Variants in EXOC4 observed in about 807,000 individuals in gnomAD.
EXOC4 encodes SEC8-like 1.
EXOC4 carries 71 observed loss-of-function variants against 107.2 expected under a neutral mutation model. The ratio of observed to expected loss-of-function variants is 0.66; its 90% CI spans 0.55 to 0.81. The LOEUF (loss-of-function observed/expected upper bound fraction) is 0.81, where lower values mean the gene tolerates loss of function less well. EXOC4 is among the 30% of genes least tolerant of loss of function. The probability of loss-of-function intolerance (pLI) is 0.00; values close to 1 mark genes in which losing one functional copy is unlikely to be tolerated. For synonymous variants in EXOC4, 456 were observed against 441.2 expected, an observed-to-expected ratio of 1.03 and a Z score of -0.42; for missense variants, 1,108 against 1,189.6, an observed-to-expected ratio of 0.93 and a Z score of 1.01.
chr7:133,502,166 G>GT (rs1465544430), intron 9 of EXOC4, among the ~76,000 whole-genome samples: 3 of 151,456 alleles, frequency 2.0e-5, no homozygotes, highest in Non-Finnish European at 4.4e-5. Context: ...GAAATTATAT[G>GT]TAAAAAAAAA....
chr7:134,048,564 A>G (rs1265477390), intron 17 of EXOC4, among the ~76,000 whole-genome samples: 1 of 152,034 alleles, frequency 6.6e-6, no homozygotes, highest in Admixed American at 6.5e-5. Context: ...TTTCAACCAG[A>G]CCAGTTGAGG....
At chr7:133,902,278 C>T (rs892363326) in intron 12 of EXOC4, among the ~76,000 whole-genome samples, 40 of 152,124 alleles carry the variant, frequency 2.6e-4, no homozygotes, top group African/African-American at 8.5e-4. Flanking sequence ...TGAATTATTT[C>T]GGCATCACAA....
chr7:133,401,905 C>T (rs944773023), intron 7 of EXOC4, among the ~76,000 whole-genome samples: 2 of 152,144 alleles, frequency 1.3e-5, no homozygotes, highest in African/African-American at 4.8e-5. Context: ...AGGCAAATCA[C>T]TACCCAAAAC....
chr7:133,399,897 G>T (rs1797051413), intron 7 of EXOC4, among the ~76,000 whole-genome samples: 1 of 152,170 alleles, frequency 6.6e-6, no homozygotes, highest in Non-Finnish European at 1.5e-5. Flanking sequence ...TGGAGTAAGG[G>T]TTCATGTATG....
intron 17 of EXOC4, among the ~76,000 whole-genome samples, chr7:134,022,795 C>T (rs1795055856): frequency 6.6e-6 from 1 of 152,170 alleles, no homozygotes; most frequent in Admixed American, 6.5e-5. Context: ...CATCAATTTC[C>T]TTCTGTCTGC....
intron 3 of EXOC4, among the ~76,000 whole-genome samples, chr7:133,292,610 C>A (rs1159471352): frequency 2.6e-5 from 4 of 152,112 alleles, no homozygotes; most frequent in Non-Finnish European, 5.9e-5. Context: ...GTGATGACTT[C>A]TTTTTTAAGA....
chr7:133,718,211 T>C (rs1376593557), intron 10 of EXOC4, among the ~76,000 whole-genome samples: 2 of 152,164 alleles, frequency 1.3e-5, no homozygotes, highest in East Asian at 1.9e-4. Flanking sequence ...AGGTTTGGAT[T>C]CTGCTGAACC....
chr7:133,508,949 C>T (rs1253737278), intron 9 of EXOC4, among the ~76,000 whole-genome samples: 1 of 152,132 alleles, frequency 6.6e-6, no homozygotes, highest in Non-Finnish European at 1.5e-5. Context: ...TTATTCCAGA[C>T]TTTCTTTTGA....
chr7:133,280,270 A>G (rs1217528219), intron 2 of EXOC4, among the ~76,000 whole-genome samples: 5 of 152,246 alleles, frequency 3.3e-5, no homozygotes, highest in East Asian at 1.9e-4. Context: ...GCATTGTACA[A>G]TTGCTCAAAA....
intron 11 of EXOC4, among the ~76,000 whole-genome samples, chr7:133,844,155 A>G (rs1798075178): frequency 6.6e-6 from 1 of 152,062 alleles, no homozygotes; most frequent in African/African-American, 2.4e-5. Flanking sequence ...AGGTTTTGGT[A>G]TCAGAATGAT....
chr7:133,633,699 CAA>C (rs34908672), intron 10 of EXOC4, among the ~76,000 whole-genome samples: 148,541 of 152,144 alleles, frequency 0.98, 72,609 homozygotes, highest in East Asian at 1. Context: ...GCCTGGGCAA[CAA>C]GAGCGAAACT....
intron 10 of EXOC4, among the ~76,000 whole-genome samples, chr7:133,716,358 G>A (rs533502158): frequency 6.6e-6 from 1 of 152,198 alleles, no homozygotes. Flanking sequence ...GTATATGGGA[G>A]CGAGTCTTGG....
intron 7 of EXOC4, among the ~76,000 whole-genome samples, chr7:133,395,565 A>C (rs956660238): frequency 6.6e-6 from 1 of 152,140 alleles, no homozygotes; most frequent in Non-Finnish European, 1.5e-5. Flanking sequence ...AGGACCCCAG[A>C]ATGTGATTGT....
At chr7:133,823,869 ATATT>A (rs1288087087) in intron 11 of EXOC4, among the ~76,000 whole-genome samples, 261 of 9,176 alleles carry the variant, frequency 0.028, 18 homozygotes, top group African/African-American at 0.21. Context: ...ATATATATAT[ATATT>A]ATATATATAT....
intron 10 of EXOC4, among the ~76,000 whole-genome samples, chr7:133,709,528 G>T (rs900935434): frequency 6.6e-6 from 1 of 152,104 alleles, no homozygotes; most frequent in Admixed American, 6.5e-5. Context: ...ATTTAATGTG[G>T]ATTTGGCCAG....
At chr7:133,697,782 C>G (rs187547258) in intron 10 of EXOC4, among the ~76,000 whole-genome samples, 1 of 152,218 alleles carries the variant, frequency 6.6e-6, no homozygotes, top group Middle Eastern at 3.4e-3. Flanking sequence ...CTGGCTAACC[C>G]GACTTGATAG....
chr7:133,838,048 A>T (rs1356157128), intron 11 of EXOC4, among the ~76,000 whole-genome samples: 1 of 152,202 alleles, frequency 6.6e-6, no homozygotes, highest in Admixed American at 6.5e-5. Context: ...GGATTTTATA[A>T]CATGTTTATT....
At chr7:134,078,499 A>G in the EXOC4 span, among the ~76,000 whole-genome samples, 1 of 152,096 alleles carries the variant, frequency 6.6e-6, no homozygotes, top group African/African-American at 2.4e-5. Flanking sequence ...TTTCAGTACC[A>G]TTTATTACCC....
At chr7:133,973,908 C>T (rs1793761448) in intron 14 of EXOC4, among the ~76,000 whole-genome samples, 1 of 152,172 alleles carries the variant, frequency 6.6e-6, no homozygotes. Flanking sequence ...ATTCCTATTG[C>T]ATCACCCCCT....
Sources: gnomAD v4.1 joint callset for allele counts (sites outside exome capture counted in the v4.1 genomes callset) on GRCh38, gnomAD v4.1.1 for gene constraint, MANE v1.5 for transcripts, NCBI Gene and HGNC (gene_info 2026-07-23, HGNC 2026-07-21) for gene names.